RCOR3: variants seen among roughly 807,000 people sequenced by gnomAD.
The protein encoded by RCOR3 is REST corepressor 3.
In RCOR3, 13 loss-of-function variants were observed where a neutral mutation model predicts 64.1. That is an observed-to-expected ratio of 0.20 (90% CI 0.13 to 0.32). The LOEUF is 0.32. Ranked by LOEUF, RCOR3 falls within the 10% of genes least tolerant of loss-of-function variation. RCOR3 has a pLI of 1.00. For synonymous variants in RCOR3, 215 were observed against 239.0 expected (o/e 0.90, Z 0.93); for missense variants, 489 against 701.2 (o/e 0.70, Z 3.42).
chr1:211,281,860 A>C (rs1697859394), intron 7 of RCOR3, among the ~76,000 whole-genome samples: 2 of 152,146 alleles, frequency 1.3e-5, no homozygotes, highest in South Asian at 4.1e-4. Flanking sequence ...GTTTACTCAT[A>C]GTTTCCCCTC....
intron 9 of RCOR3, among the ~76,000 whole-genome samples, chr1:211,298,365 T>C (rs1700049926): frequency 6.6e-6 from 1 of 152,148 alleles, no homozygotes; most frequent in African/African-American, 2.4e-5. Flanking sequence ...GAAAGGACCA[T>C]AGAGGTCATT....
At chr1:211,306,222 TA>T (rs1700837661) in intron 10 of RCOR3, among the ~76,000 whole-genome samples, 1 of 152,170 alleles carries the variant, frequency 6.6e-6, no homozygotes, top group Non-Finnish European at 1.5e-5. Context: ...AAGTGTGTCT[TA>T]TAAATAGTAT....
At chr1:211,291,421 A>G in intron 8 of RCOR3, 1 of 378,120 alleles carries the variant, frequency 2.6e-6, no homozygotes, top group Admixed American at 3.5e-5. Flanking sequence ...TATATTATGC[A>G]AATATCCCAA....
At chr1:211,277,697 C>T (rs761078941) in intron 5 of RCOR3, among the ~76,000 whole-genome samples, 8 of 151,978 alleles carry the variant, frequency 5.3e-5, no homozygotes, top group African/African-American at 9.7e-5. Context: ...TAATGGGTAC[C>T]GGATTTCTTT....
chr1:211,294,715 G>A (rs1399280923), intron 8 of RCOR3, among the ~76,000 whole-genome samples: 1 of 151,696 alleles, frequency 6.6e-6, no homozygotes, highest in African/African-American at 2.4e-5. Flanking sequence ...TCAGCCTCCT[G>A]AGTAGCTGGG....
chr1:211,268,964 T>A (rs1695703961), intron 2 of RCOR3, among the ~76,000 whole-genome samples: 1 of 152,200 alleles, frequency 6.6e-6, no homozygotes, highest in Admixed American at 6.5e-5. Flanking sequence ...AAAATAAAAA[T>A]ATTTAATGAT....
chr1:211,262,804 G>A (rs967757405), intron 2 of RCOR3, among the ~76,000 whole-genome samples: 2 of 140,906 alleles, frequency 1.4e-5, no homozygotes, highest in African/African-American at 5.5e-5. Context: ...ATATTAATGT[G>A]ATTTTGCATG....
chr1:211,281,131 C>T (rs1405299457), intron 7 of RCOR3, among the ~76,000 whole-genome samples: 1 of 152,112 alleles, frequency 6.6e-6, no homozygotes, highest in Non-Finnish European at 1.5e-5. Flanking sequence ...CCAGTAATTT[C>T]CTAAATGCCA....
intron 7 of RCOR3, among the ~76,000 whole-genome samples, chr1:211,279,907 C>T (rs920397002): frequency 2.0e-5 from 3 of 152,118 alleles, no homozygotes; most frequent in African/African-American, 4.8e-5. Context: ...TTGCTATTCA[C>T]GGTCTAAGAG....
chr1:211,303,081 C>G (rs6689078), intron 9 of RCOR3: 55,281 of 151,930 alleles, frequency 0.36, 10,405 homozygotes, highest in African/African-American at 0.45. Flanking sequence ...TGAGGCGTAT[C>G]CACTGTCTAC....
At chr1:211,267,779 G>A (rs1162026995) in intron 2 of RCOR3, 2 of 324,126 alleles carry the variant, frequency 6.2e-6, no homozygotes, top group Admixed American at 8.8e-5. Flanking sequence ...TTTTAGTAGA[G>A]ACAAGGTCTT....
chr1:211,260,029 A>G (rs967676962), intron 1 of RCOR3, 79 bp from the exon 2 acceptor site: 41 of 1,288,156 alleles, frequency 3.2e-5, no homozygotes, highest in Middle Eastern at 3.0e-4. Context: ...AGCGATTTTT[A>G]TTTTTTAAGT....
chr1:211,286,475 T>C (rs1240696046), intron 7 of RCOR3, among the ~76,000 whole-genome samples: 4 of 152,082 alleles, frequency 2.6e-5, no homozygotes, highest in Non-Finnish European at 5.9e-5. Flanking sequence ...GCTCAGCTTA[T>C]TTTTCGTATT....
rs963287958 is a variant in RCOR3, at chr1:211,271,450, T to A, written c.301+141T>A. On this transcript the variant is annotated intron_variant, in intron 3 of 11. Transcript: ENST00000419091. Reference sequence around the variant, plus strand: ...TGTTTTATTTTTTATTTTTTTATTTTTTTTTTAATGGAGGTTGTTATATTA... The same window carrying A: ...TGTTTTATTTTTTATTTTTTTATTTATTTTTTAATGGAGGTTGTTATATTA... 11 of 685,238 alleles carry A rather than the reference T, an allele frequency of 1.6e-5. No homozygotes were observed. In the East Asian group the frequency reaches 1.7e-4, roughly 10 times the overall value. The allele number at this position is 685,238 out of a possible 1,614,324, so 42.4% of individuals were successfully genotyped here.
At chr1:211,277,403 T>A (rs1010291035) in intron 5 of RCOR3, among the ~76,000 whole-genome samples, 1 of 152,188 alleles carries the variant, frequency 6.6e-6, no homozygotes, top group South Asian at 2.1e-4. Context: ...GCATGATCAT[T>A]AGTCATTTTA....
intron 2 of RCOR3, among the ~76,000 whole-genome samples, chr1:211,261,353 GA>G (rs1694243290): frequency 6.6e-6 from 1 of 152,196 alleles, no homozygotes; most frequent in African/African-American, 2.4e-5. Context: ...TGAGGAGGAT[GA>G]AAAGTAATGA....
At chr1:211,295,860 G>T in intron 9 of RCOR3, 107 bp downstream of exon 9, 3 of 681,088 alleles carry the variant, frequency 4.4e-6, no homozygotes, top group African/African-American at 1.8e-5. Context: ...ATACTTTGAA[G>T]GTTTCATAAT....
At position 211,271,275 on chromosome 1, in the gene RCOR3, A is replaced by G. The variant is rs148377743; in HGVS notation, c.267A>G (p.Val89=). The G allele has an allele frequency of 1.2e-6, 2 of 1,613,794 alleles. No homozygotes were observed. Among genetic ancestry groups the G allele is most frequent in the African/African-American group, 1.3e-5 (1 of 74,902 alleles). The change falls in exon 3 of 12, where the codon GTA becomes GTG. Residue 89 remains valine, a synonymous_variant. Coordinates refer to ENST00000419091, the MANE Select transcript of RCOR3 (RefSeq NM_001136223.3). ...YTDKDNGGML[V]WSPYHSIPDA... ...ATAAAGACAATGGAGGGATGCTTGTATGGTCTCCATATCACAGTATCCCAG... is the reference window on the plus strand; with the variant it reads ...ATAAAGACAATGGAGGGATGCTTGTGTGGTCTCCATATCACAGTATCCCAG...
intron 2 of RCOR3, among the ~76,000 whole-genome samples, chr1:211,270,864 T>C (rs534668433): frequency 6.6e-6 from 1 of 151,996 alleles, no homozygotes; most frequent in African/African-American, 2.4e-5. Context: ...TTACTTTTTT[T>C]TTTTTTTTTG....
Sources: allele counts gnomAD v4.1 joint callset (sites outside exome capture counted in the v4.1 genomes callset), GRCh38; gene constraint gnomAD v4.1.1; transcripts MANE v1.5; gene names NCBI Gene and HGNC (gene_info 2026-07-23, HGNC 2026-07-21).